The following PLXNA4 variants were observed in gnomAD, a reference collection of about 807,000 sequenced individuals.
PLXNA4 encodes the protein plexin A4, also known as plexin-A4.
Under a neutral mutation model 191.8 loss-of-function variants are expected in PLXNA4, and 44 were observed. The ratio of observed to expected loss-of-function variants is 0.23; its 90% CI spans 0.18 to 0.29. The LOEUF is 0.29. Among genes scored for constraint, PLXNA4 ranks in the 10% least tolerant of loss-of-function variants. The pLI, the probability that PLXNA4 is intolerant of heterozygous loss-of-function variation, is 1.00. For missense variants in PLXNA4, 1,800 were observed against 2,488.8 expected, an observed-to-expected ratio of 0.72 and a Z score of 5.89; for synonymous variants, 1,082 against 1,009.5, an observed-to-expected ratio of 1.07 and a Z score of -1.36.
At chr7:132,392,104 G>T (rs1286813891) in intron 3 of PLXNA4, among the ~76,000 whole-genome samples, 2 of 151,930 alleles carry the variant, frequency 1.3e-5, no homozygotes, top group African/African-American at 4.8e-5. Flanking sequence ...CTCCAGCCTG[G>T]GCAACAAGAG....
intron 25 of PLXNA4, among the ~76,000 whole-genome samples, chr7:132,155,467 C>A (rs1584772606): frequency 1.3e-5 from 2 of 152,206 alleles, no homozygotes; most frequent in African/African-American, 4.8e-5. Flanking sequence ...CTCCTAGGCA[C>A]CTTGGCACCC....
chr7:132,133,173 G>T lies in PLXNA4; in HGVS notation c.5465C>A (p.Pro1822Gln). 6.2e-7 allele frequency: 1 copy of T among 1,614,114 alleles called. No individual in the cohort carries two copies. Among genetic ancestry groups the T allele is most frequent in the Non-Finnish European group, 8.5e-7 (1 of 1,180,018 alleles). The change falls in exon 31 of 32, where the codon CCA becomes CAA. Residue 1822 changes from proline (P) to glutamine (Q), a missense_variant. Pro to Gln is a moderately conservative substitution (Grantham distance 76, BLOSUM62 -1). Transcript: ENST00000321063. ...ERYYSDIGKM[P>Q]AISDQDMNAY... The stretch of plus-strand genomic sequence containing the variant: ...GTTCATGTCTTGGTCGCTGATGGCT[G>T]GCATCTTCCCTATGTCTGAGTAATA...
chr7:132,208,669 T>A (rs1797703297), intron 10 of PLXNA4, among the ~76,000 whole-genome samples: 1 of 152,218 alleles, frequency 6.6e-6, no homozygotes, highest in Non-Finnish European at 1.5e-5. Flanking sequence ...GGCTTCCAGA[T>A]GTGAAATTCC....
intron 1 of PLXNA4, among the ~76,000 whole-genome samples, chr7:132,521,177 TGAAAAAAA>T (rs1291853462): frequency 0.016 from 1,868 of 115,624 alleles, 54 homozygotes; most frequent in African/African-American, 0.057. Flanking sequence ...ATTTGCTCCT[TGAAAAAAA>T]AAAAAAAAAA....
intron 3 of PLXNA4, among the ~76,000 whole-genome samples, chr7:132,309,418 G>A (rs1160259943): frequency 1.3e-5 from 2 of 152,040 alleles, no homozygotes; most frequent in African/African-American, 4.8e-5. Flanking sequence ...CAGAGACGCA[G>A]GCCAGAACCA....
At chr7:132,154,777 A>C (rs1311639081) in intron 25 of PLXNA4, among the ~76,000 whole-genome samples, 48 of 152,218 alleles carry the variant, frequency 3.2e-4, no homozygotes, top group Non-Finnish European at 8.8e-5. Context: ...CATGGCACCA[A>C]GAGAAAATTG....
At chr7:132,482,679 T>C (rs2117486965) in intron 3 of PLXNA4, among the ~76,000 whole-genome samples, 1 of 142,712 alleles carries the variant, frequency 7.0e-6, no homozygotes, top group Non-Finnish European at 1.5e-5. Context: ...GGAGTGAGTG[T>C]GGGAGCTTCG....
intron 2 of PLXNA4, among the ~76,000 whole-genome samples, chr7:132,635,416 G>C (rs1323619869): frequency 6.6e-6 from 1 of 151,996 alleles, no homozygotes; most frequent in African/African-American, 2.4e-5. Flanking sequence ...CCTGTCCCCA[G>C]GAGCTTGTAA....
chr7:132,290,638 G>T (rs1222441488), intron 4 of PLXNA4, among the ~76,000 whole-genome samples: 1 of 152,176 alleles, frequency 6.6e-6, no homozygotes, highest in African/African-American at 2.4e-5. Context: ...ACACAGACAG[G>T]GATAGACACA....
intron 2 of PLXNA4, among the ~76,000 whole-genome samples, chr7:132,606,498 C>G (rs562513196): frequency 1.3e-5 from 2 of 152,366 alleles, no homozygotes; most frequent in African/African-American, 4.8e-5. Context: ...TCATGCCACT[C>G]AGTTCAGCTG....
At chr7:132,413,743 C>T (rs1794554449) in intron 3 of PLXNA4, among the ~76,000 whole-genome samples, 1 of 152,186 alleles carries the variant, frequency 6.6e-6, no homozygotes, top group South Asian at 2.1e-4. Flanking sequence ...CCAGGGTCTT[C>T]CTACTTGTGA....
chr7:132,644,498 A>G (rs1803817227), intron 2 of PLXNA4, among the ~76,000 whole-genome samples: 1 of 152,082 alleles, frequency 6.6e-6, no homozygotes, highest in Non-Finnish European at 1.5e-5. Context: ...CTCCACAGGG[A>G]GCAATTGGCT....
chr7:132,216,763 G>C (rs1026927871), intron 9 of PLXNA4, among the ~76,000 whole-genome samples: 1 of 152,182 alleles, frequency 6.6e-6, no homozygotes, highest in African/African-American at 2.4e-5. Context: ...CCATGGCAAT[G>C]ATGAGCACAG....
intron 3 of PLXNA4, among the ~76,000 whole-genome samples, chr7:132,393,530 T>A (rs1030087424): frequency 6.6e-6 from 1 of 152,196 alleles, no homozygotes; most frequent in African/African-American, 2.4e-5. Flanking sequence ...AGTCCTACTT[T>A]TGTTAGCTAA....
intron 3 of PLXNA4, among the ~76,000 whole-genome samples, chr7:132,367,442 G>A (rs1804232448): frequency 1.3e-5 from 2 of 151,482 alleles, no homozygotes; most frequent in Admixed American, 1.3e-4. Context: ...AGGTGGCAGG[G>A]AAGGAGGGAG....
chr7:132,587,648 G>A (rs1320603875), intron 2 of PLXNA4, among the ~76,000 whole-genome samples: 1 of 152,122 alleles, frequency 6.6e-6, no homozygotes, highest in Admixed American at 6.5e-5. Context: ...TCCTAGGGAA[G>A]AGAACCAATA....
intron 1 of PLXNA4, among the ~76,000 whole-genome samples, chr7:132,535,709 T>C (rs11760918): frequency 0.1 from 15,334 of 152,066 alleles, 1,060 homozygotes; most frequent in Non-Finnish European, 0.14. Context: ...TCATGCATTA[T>C]ACCTTGGCCA....
At chr7:132,556,355 A>T (rs1800802212) in intron 1 of PLXNA4, among the ~76,000 whole-genome samples, 1 of 152,146 alleles carries the variant, frequency 6.6e-6, no homozygotes, top group Non-Finnish European at 1.5e-5. Context: ...TAGTTGAGGC[A>T]GACAGCAGGA....
intron 4 of PLXNA4, among the ~76,000 whole-genome samples, chr7:132,245,708 C>A (rs1274092242): frequency 3.9e-5 from 6 of 152,142 alleles, no homozygotes; most frequent in Non-Finnish European, 8.8e-5. Context: ...GATGAATGGA[C>A]AAACAATATG....
Sources: allele counts gnomAD v4.1 joint callset (sites outside exome capture counted in the v4.1 genomes callset), GRCh38; gene constraint gnomAD v4.1.1; transcripts MANE v1.5; gene names NCBI Gene and HGNC (gene_info 2026-07-23, HGNC 2026-07-21).